IL17RA: variants seen among roughly 807,000 people sequenced by gnomAD.
The protein encoded by IL17RA is interleukin 17 receptor A.
Under a neutral mutation model 50.4 loss-of-function variants are expected in IL17RA, and 34 were observed. The observed-to-expected ratio is 0.67, with a 90% CI of 0.51 to 0.90. The LOEUF is 0.90. Among genes scored for constraint, IL17RA ranks in the 40% least tolerant of loss-of-function variants. The probability of loss-of-function intolerance (pLI) is 0.00; values close to 1 mark genes in which losing one functional copy is unlikely to be tolerated. For synonymous variants in IL17RA, 585 were observed against 510.4 expected (o/e 1.15, Z -1.97); for missense variants, 1,276 against 1,169.8 (o/e 1.09, Z -1.32).
At chr22:17,094,671 C>CTATATATATATATATA (rs1568917407) in intron 1 of IL17RA, among the ~76,000 whole-genome samples, 896 of 40,692 alleles carry the variant, frequency 0.022, 80 homozygotes, top group Non-Finnish European at 0.03. Flanking sequence ...CTCTCTCTCT[C>CTATATATATATATATA]TCTCTCTCTC....
In IL17RA at chr22:17,102,256, A is replaced by G; in HGVS notation, c.716A>G (p.His239Arg). ...CAGATCCTGCTGACCAGTTTTCCGC[A>G]CATGGAGAACCACAGTTGCTTTGAG... ...HYQILLTSFP[H>R]MENHSCFEHM... The change falls in exon 7 of 13, where the codon CAC (histidine) becomes CGC (arginine). Residue 239 changes from histidine (H) to arginine (R), a missense_variant. Coordinates refer to ENST00000319363, the MANE Select transcript of IL17RA (RefSeq NM_014339.7). 1 of 1,614,194 alleles carries G rather than the reference A, an allele frequency of 6.2e-7. No individual in the cohort carries two copies. The highest frequency in any genetic ancestry group is 1.3e-5 in the African/African-American group (1 of 75,050).
chr22:17,101,069 A>G (rs1473528953), intron 5 of IL17RA, among the ~76,000 whole-genome samples: 1 of 152,008 alleles, frequency 6.6e-6, no homozygotes, highest in African/African-American at 2.4e-5. Flanking sequence ...TTTGTTTTTA[A>G]TAGAGATAGG....
rs1032181997 is a variant in IL17RA at position 17,109,334 on chromosome 22, G to A, written c.2115G>A (p.Leu705=). 1.3e-6 allele frequency: 2 copies of A among 1,566,724 alleles called. No individual in the cohort carries two copies. The highest frequency in any genetic ancestry group is 1.4e-5 in the African/African-American group (1 of 73,926). ...CGGGGGAGGGCGAGGCCTGCCCGCT[G>A]CTGGGCAGCCCGGGCGCTGGGCGAA... ...ALAGEGEACP[L]LGSPGAGRNS... The change falls in exon 13 of 13, where the codon CTG becomes CTA. Residue 705 remains leucine, a synonymous_variant. Coordinates refer to ENST00000319363, the MANE Select transcript of IL17RA (RefSeq NM_014339.7).
At chr22:17,098,082 C>T in intron 3 of IL17RA, 139 bp downstream of exon 3, 2 of 954,956 alleles carry the variant, frequency 2.1e-6, no homozygotes, top group Non-Finnish European at 3.2e-6. Flanking sequence ...TCCGTCATTT[C>T]ATGCAGTCAA....
At position 17,105,843 on chromosome 22, in the gene IL17RA, C is replaced by G; in HGVS notation, c.944-10C>G. 6.2e-7 allele frequency: 1 copy of G among 1,611,482 alleles called. No homozygotes were observed. The highest frequency in any genetic ancestry group is 8.5e-7 in the Non-Finnish European group (1 of 1,177,970). ...CCGCCGCATCACTCACGCTGTTCTG[C>G]TCACCGCAGACTACATGCCCCTGTG... On this transcript the variant is annotated splice_polypyrimidine_tract_variant and intron_variant, in intron 10 of 12. Coordinates refer to ENST00000319363, the MANE Select transcript of IL17RA (RefSeq NM_014339.7).
In IL17RA at chr22:17,110,297, G is replaced by C. The variant is rs2061435724; in HGVS notation, c.*477G>C. The C allele has an allele frequency of 5.0e-6, 1 of 198,420 alleles. No individual in the cohort carries two copies. Among genetic ancestry groups the C allele is most frequent in the Non-Finnish European group, 1.1e-5 (1 of 95,126 alleles). The allele number at this position is 198,420 out of a possible 1,614,324, so 12.3% of individuals were successfully genotyped here. ...TGGATCACTCTGAGGTCAGGAGTTT[G>C]AGCCAGCCTGGCCAACATGGTGAAA... is the stretch of plus-strand genomic sequence containing the variant. On this transcript the variant is annotated 3_prime_UTR_variant, in exon 13 of 13. Transcript: ENST00000319363.
intron 1 of IL17RA, among the ~76,000 whole-genome samples, chr22:17,092,322 G>C (rs1294432716): frequency 6.6e-6 from 1 of 152,164 alleles, no homozygotes; most frequent in Non-Finnish European, 1.5e-5. Context: ...TGGGAAATGT[G>C]TTTCCCTGAG....
At chr22:17,085,305 C>A (rs914079005) in intron 1 of IL17RA, 76 bp downstream of exon 1, 2 of 1,520,666 alleles carry the variant, frequency 1.3e-6, no homozygotes, top group Non-Finnish European at 1.8e-6. Context: ...GCCGGACGGT[C>A]GGGACTACGC....
At chr22:17,094,811 A>G (rs1473881330) in intron 1 of IL17RA, among the ~76,000 whole-genome samples, 1 of 149,290 alleles carries the variant, frequency 6.7e-6, no homozygotes, top group Non-Finnish European at 1.5e-5. Flanking sequence ...TCATCAACAC[A>G]TTCCAGCCAT....
intron 1 of IL17RA, among the ~76,000 whole-genome samples, chr22:17,088,822 G>T (rs1224613471): frequency 6.7e-6 from 1 of 148,620 alleles, no homozygotes; most frequent in Non-Finnish European, 1.5e-5. Flanking sequence ...TTGAGACAAG[G>T]TCTCACTCTG....
intron 1 of IL17RA, among the ~76,000 whole-genome samples, chr22:17,092,514 C>G (rs2061351553): frequency 6.6e-6 from 1 of 152,036 alleles, no homozygotes; most frequent in African/African-American, 2.4e-5. Flanking sequence ...CAAATAGTGT[C>G]AGAATTAAAT....
At chr22:17,088,525 G>A (rs1336222670) in intron 1 of IL17RA, among the ~76,000 whole-genome samples, 4 of 151,852 alleles carry the variant, frequency 2.6e-5, no homozygotes, top group Non-Finnish European at 4.4e-5. Flanking sequence ...AGACACTGTC[G>A]CCCAGGCTAC....
Position 17,092,449 on chromosome 22 carries a change from G to T in IL17RA, c.139-4613G>T, listed in dbSNP as rs548693725. On this transcript the variant is annotated intron_variant, in intron 1 of 12. Transcript: ENST00000319363. ...GCCCAGACTTACCACTGGTGTCTAG[G>T]GGGTGGGCGGTCTTGGGGACTGAGC... Among the ~76,000 whole-genome samples, 5 of 152,294 alleles carry T rather than the reference G, an allele frequency of 3.3e-5. No homozygotes were observed. The South Asian group carries it at 1.0e-3, about 32-fold the overall frequency.
chr22:17,113,087 C>T lies in IL17RA; in HGVS notation c.*3267C>T, dbSNP rs1568926072. 1 of 149,902 alleles carries T rather than the reference C, an allele frequency of 6.7e-6. No individual in the cohort carries two copies. 9.3% of individuals were successfully genotyped at this position (149,902 alleles called of 1,614,324 possible). A position where few individuals can be genotyped will look rare whatever the true frequency, so the allele number is the denominator to read the frequency against. On this transcript the variant is annotated 3_prime_UTR_variant, in exon 13 of 13. Coordinates refer to ENST00000319363, the MANE Select transcript of IL17RA (RefSeq NM_014339.7). ...GAAGGTCCTTGAAGGTGTTTAGGGT[C>T]TAAAAAGGGTGGTGTTCGGTCTCTG...
chr22:17,106,080 G>A, intron 11 of IL17RA, 126 bp downstream of exon 11: 2 of 757,328 alleles, frequency 2.6e-6, no homozygotes, highest in East Asian at 2.7e-5. Context: ...TCATAAAGCT[G>A]TTGTAAGGAC....
At chr22:17,085,426 G>A in intron 1 of IL17RA, 197 bp downstream of exon 1, 1 of 654,882 alleles carries the variant, frequency 1.5e-6, no homozygotes, top group Non-Finnish European at 1.9e-6. Context: ...GGGAGTTGCG[G>A]TGTGGAATAC....
At position 17,111,563 on chromosome 22, in the gene IL17RA, G is replaced by A. The variant is rs554671912; in HGVS notation, c.*1743G>A. The stretch of plus-strand genomic sequence containing the variant: ...TGAAGTACCTCCTGGGGGTAGGCTA[G>A]AGGCTTCTGGCTTCAGGGTCCTGAA... On this transcript the variant is annotated 3_prime_UTR_variant, in exon 13 of 13. Transcript: ENST00000319363. 4 of 152,350 alleles carry A rather than the reference G, an allele frequency of 2.6e-5. No homozygotes were observed. The highest frequency in any genetic ancestry group is 9.6e-5 in the African/African-American group (4 of 41,576). 9.4% of individuals were successfully genotyped at this position (152,350 alleles called of 1,614,324 possible).
chr22:17,100,155 A>C (rs1427470959), intron 4 of IL17RA, among the ~76,000 whole-genome samples, 200 bp from the exon 5 acceptor site: 3 of 151,898 alleles, frequency 2.0e-5, no homozygotes, highest in Non-Finnish European at 4.4e-5. Context: ...AAAAAAAAAA[A>C]AAAAAACAGG....
chr22:17,087,394 G>A (rs903080169), intron 1 of IL17RA, among the ~76,000 whole-genome samples: 4 of 152,226 alleles, frequency 2.6e-5, no homozygotes, highest in African/African-American at 9.6e-5. Flanking sequence ...CAGAATGTAA[G>A]TGTCTGTCCA....
Sources: gnomAD v4.1 joint callset for allele counts (sites outside exome capture counted in the v4.1 genomes callset) on GRCh38, gnomAD v4.1.1 for gene constraint, MANE v1.5 for transcripts, NCBI Gene and HGNC (gene_info 2026-07-23, HGNC 2026-07-21) for gene names.